FGF13: variants seen among roughly 807,000 people sequenced by gnomAD.
FGF13 encodes fibroblast growth factor homologous factor 2.
In FGF13, 2 loss-of-function variants were observed where a neutral mutation model predicts 19.5. The ratio of observed to expected loss-of-function variants is 0.10; its 90% CI spans 0.04 to 0.32. The LOEUF (loss-of-function observed/expected upper bound fraction) is 0.32, where lower values mean the gene tolerates loss of function less well. FGF13 is among the 10% of genes least tolerant of loss of function. The pLI, the probability that FGF13 is intolerant of heterozygous loss-of-function variation, is 1.00. For synonymous variants in FGF13, 72 were observed against 76.9 expected (o/e 0.94, Z 0.33); for missense variants, 113 against 192.7 (o/e 0.59, Z 2.45).
chrX:138,930,755 T>C (rs2091697704), intron 1 of FGF13, among the ~76,000 whole-genome samples: 1 of 111,644 alleles, frequency 9.0e-6, no homozygotes, highest in Non-Finnish European at 1.9e-5. Flanking sequence ...CAAAAGTGCA[T>C]CACAGGGGAC....
At chrX:138,771,927 T>C (rs1258790765) in intron 3 of FGF13, among the ~76,000 whole-genome samples, 1 of 105,320 alleles carries the variant, frequency 9.5e-6, no homozygotes, top group Non-Finnish European at 1.9e-5. Context: ...TATTTTTTCT[T>C]TAAAATGAAG....
At chrX:138,805,001 T>C (rs2090855537) in intron 3 of FGF13, among the ~76,000 whole-genome samples, 1 of 111,895 alleles carries the variant, frequency 8.9e-6, no homozygotes, top group Admixed American at 9.6e-5. Context: ...TAATACTAAA[T>C]GGTATCATGA....
chrX:138,654,275 C>T (rs2089409731), intron 3 of FGF13, among the ~76,000 whole-genome samples: 1 of 112,353 alleles, frequency 8.9e-6, no homozygotes, highest in Non-Finnish European at 1.9e-5. Flanking sequence ...GAATGAATGG[C>T]AGTATTTTAG....
At chrX:139,033,337 G>A (rs889735892) in intron 1 of FGF13, among the ~76,000 whole-genome samples, 1 of 111,954 alleles carries the variant, frequency 8.9e-6, no homozygotes, top group African/African-American at 3.2e-5. Flanking sequence ...AGGAAAGCCA[G>A]AAAGTTCACA....
chrX:139,010,367 C>T (rs964672338), intron 1 of FGF13, among the ~76,000 whole-genome samples: 1 of 111,568 alleles, frequency 9.0e-6, no homozygotes, highest in East Asian at 2.8e-4. Context: ...TTCATAAGGA[C>T]ATGAAACGTT....
At chrX:138,704,394 A>C (rs2089975628) in intron 2 of FGF13, among the ~76,000 whole-genome samples, 1 of 112,238 alleles carries the variant, frequency 8.9e-6, no homozygotes, top group Non-Finnish European at 1.9e-5. Flanking sequence ...ACATCTTTTG[A>C]AAATAGCCTG....
chrX:139,029,494 C>T (rs183946641), intron 1 of FGF13, among the ~76,000 whole-genome samples: 4 of 112,311 alleles, frequency 3.6e-5, no homozygotes, highest in Admixed American at 2.8e-4. Context: ...AGATTTATTG[C>T]TCTTTGTCAG....
At chrX:138,925,806 G>A (rs1163657284) in intron 1 of FGF13, among the ~76,000 whole-genome samples, 1 of 111,901 alleles carries the variant, frequency 8.9e-6, no homozygotes, top group East Asian at 2.8e-4. Flanking sequence ...GTTGAAGGCA[G>A]AATGAGCTTC....
At chrX:138,967,404 G>A (rs777909738) in intron 1 of FGF13, among the ~76,000 whole-genome samples, 29 of 111,318 alleles carry the variant, frequency 2.6e-4, no homozygotes, top group African/African-American at 9.5e-4. Flanking sequence ...CAATTTAAAC[G>A]TAAATTTCTC....
chrX:138,772,014 A>ATG (rs1249508704), intron 3 of FGF13, among the ~76,000 whole-genome samples: 181 of 59,777 alleles, frequency 3.0e-3, no homozygotes, highest in African/African-American at 7.2e-3. Flanking sequence ...TAAGATACAT[A>ATG]TGTGTATATA....
chrX:138,988,875 A>G (rs1447968556), intron 1 of FGF13, among the ~76,000 whole-genome samples: 1 of 112,121 alleles, frequency 8.9e-6, no homozygotes, highest in African/African-American at 3.2e-5. Flanking sequence ...TCATCTCTTA[A>G]TAAATTTTTA....
chrX:138,735,348 G>A (rs914624853), intron 1 of FGF13, among the ~76,000 whole-genome samples: 1 of 111,739 alleles, frequency 8.9e-6, no homozygotes, highest in African/African-American at 3.2e-5. Context: ...TGTTGTACAA[G>A]GCGAAGTTCC....
chrX:139,127,230 G>A (rs932545978), intron 1 of FGF13, among the ~76,000 whole-genome samples: 1 of 111,142 alleles, frequency 9.0e-6, no homozygotes, highest in African/African-American at 3.3e-5. Context: ...GAAGGGAGGC[G>A]ATCATAGGAG....
intron 1 of FGF13, among the ~76,000 whole-genome samples, chrX:139,011,397 A>G (rs1413328027): frequency 9.1e-6 from 1 of 109,693 alleles, no homozygotes; most frequent in Non-Finnish European, 1.9e-5. Flanking sequence ...GAAGAAAACT[A>G]CAGACCAATA....
At chrX:138,810,880 C>T (rs776571230) in intron 3 of FGF13, among the ~76,000 whole-genome samples, 1 of 111,830 alleles carries the variant, frequency 8.9e-6, no homozygotes, top group East Asian at 2.8e-4. Context: ...AAATGCAAAT[C>T]AAAACCACAA....
chrX:139,057,045 T>A (rs2092322284), intron 1 of FGF13, among the ~76,000 whole-genome samples: 1 of 111,525 alleles, frequency 9.0e-6, no homozygotes, highest in Admixed American at 9.6e-5. Flanking sequence ...TCCATTCCCT[T>A]CCCTGAGCTT....
Position 138,874,598 on chromosome X carries a change from T to C in FGF13, c.-112-9948A>G, listed in dbSNP as rs1040196720. Reference sequence around the variant, plus strand: ...GAAGTTATGGCAAGCTTGAAAAAGATGTTTTGGGCAAGAGAGCAGGATGGG... The same window carrying C: ...GAAGTTATGGCAAGCTTGAAAAAGACGTTTTGGGCAAGAGAGCAGGATGGG... On this transcript the variant is annotated intron_variant, in intron 1 of 2. Coordinates refer to the FGF13 transcript ENST00000421460. Among the ~76,000 whole-genome samples, 9 of 111,774 alleles carry C rather than the reference T, an allele frequency of 8.1e-5. No individual in the cohort carries two copies. The South Asian group carries it at 2.3e-3, about 28-fold the overall frequency.
At chrX:138,702,049 A>G (rs934940716) in intron 3 of FGF13, among the ~76,000 whole-genome samples, 1 of 111,922 alleles carries the variant, frequency 8.9e-6, no homozygotes, top group Non-Finnish European at 1.9e-5. Flanking sequence ...TTGGGAGGCC[A>G]TGGCAGGCGG....
chrX:139,139,124 G>A (rs1237333977), intron 1 of FGF13, among the ~76,000 whole-genome samples: 1 of 109,957 alleles, frequency 9.1e-6, no homozygotes, highest in South Asian at 4.0e-4. Flanking sequence ...CTAAAGACGT[G>A]GTTTCACCAT....
Sources: gnomAD v4.1 joint callset for allele counts (sites outside exome capture counted in the v4.1 genomes callset) on GRCh38, gnomAD v4.1.1 for gene constraint, MANE v1.5 for transcripts, NCBI Gene and HGNC (gene_info 2026-07-23, HGNC 2026-07-21) for gene names.